TENM2: variants seen among roughly 807,000 people sequenced by gnomAD.
TENM2 encodes the protein teneurin transmembrane protein 2.
TENM2 carries 52 observed loss-of-function variants against 245.2 expected under a neutral mutation model. That is an observed-to-expected ratio of 0.21 (90% CI 0.17 to 0.27). The LOEUF (loss-of-function observed/expected upper bound fraction) is 0.27, where lower values mean the gene tolerates loss of function less well. Among genes scored for constraint, TENM2 ranks in the 10% least tolerant of loss-of-function variants. The probability of loss-of-function intolerance (pLI) is 1.00; values close to 1 mark genes in which losing one functional copy is unlikely to be tolerated. For missense variants in TENM2, 3,046 were observed against 3,666.8 expected, an observed-to-expected ratio of 0.83 and a Z score of 4.37; for synonymous variants, 1,363 against 1,438.9, an observed-to-expected ratio of 0.95 and a Z score of 1.19.
chr5:168,260,903 G>T (rs973172314), intron 28 of TENM2, among the ~76,000 whole-genome samples: 1 of 152,144 alleles, frequency 6.6e-6, no homozygotes, highest in Non-Finnish European at 1.5e-5. Context: ...TGCGATGACC[G>T]AGGGGTGGTC....
At chr5:167,073,637 C>G in the TENM2 span, among the ~76,000 whole-genome samples, 4 of 152,130 alleles carry the variant, frequency 2.6e-5, no homozygotes, top group African/African-American at 9.7e-5. Context: ...CTGTGACTCC[C>G]CGCACCTCAC....
Position 168,246,851 on chromosome 5 carries a change from G to A in TENM2, c.5912G>A (p.Arg1971Gln), listed in dbSNP as rs770334344. 56 of 1,613,770 alleles carry A rather than the reference G, an allele frequency of 3.5e-5. No individual in the cohort carries two copies. The South Asian group carries it at 4.7e-4, about 14-fold the overall frequency. Residue 1971 changes from arginine (R) to glutamine (Q), a missense_variant, in exon 27 of 29, where the codon CGG becomes CAG. By Grantham distance (43) the Arg-to-Gln change is conservative. Coordinates refer to ENST00000518659, the Ensembl canonical transcript of TENM2. ...GCCGTCACCATGCCCAGCGTGGCCC[G>A]GCACAGCATGTCCACACACACCTCC...
chr5:168,127,788 T>A (rs1795960728), intron 12 of TENM2, among the ~76,000 whole-genome samples: 1 of 152,170 alleles, frequency 6.6e-6, no homozygotes, highest in African/African-American at 2.4e-5. Context: ...GTTATTTAAT[T>A]AGATCAAGCC....
chr5:167,426,534 A>G (rs1582009387), intron 2 of TENM2, among the ~76,000 whole-genome samples: 1 of 114,784 alleles, frequency 8.7e-6, no homozygotes, highest in Admixed American at 1.0e-4. Context: ...ACATAGTGAC[A>G]CCTTGCCTTT....
chr5:167,144,958 T>TCTC, the TENM2 span, among the ~76,000 whole-genome samples: 3 of 152,216 alleles, frequency 2.0e-5, no homozygotes, highest in Non-Finnish European at 4.4e-5. Flanking sequence ...GAGAATCCTT[T>TCTC]CCTTGTCCTT....
intron 2 of TENM2, among the ~76,000 whole-genome samples, chr5:167,630,300 C>G (rs1778783758): frequency 6.6e-6 from 1 of 152,108 alleles, no homozygotes; most frequent in African/African-American, 2.4e-5. Flanking sequence ...CTGTGACACC[C>G]TACAGTGGAT....
At chr5:167,010,239 C>G in the TENM2 span, among the ~76,000 whole-genome samples, 2 of 152,030 alleles carry the variant, frequency 1.3e-5, no homozygotes, top group Non-Finnish European at 2.9e-5. Context: ...AAAAATTAGC[C>G]GGGCATGGTG....
At chr5:167,042,083 C>T in the TENM2 span, among the ~76,000 whole-genome samples, 1 of 152,052 alleles carries the variant, frequency 6.6e-6, no homozygotes, top group South Asian at 2.1e-4. Context: ...AAATTTATTA[C>T]CCGTTAATTT....
chr5:168,096,176 A>T (rs1793357582), intron 8 of TENM2, among the ~76,000 whole-genome samples: 1 of 152,222 alleles, frequency 6.6e-6, no homozygotes, highest in Non-Finnish European at 1.5e-5. Context: ...CCTTGAAAAG[A>T]TAGTTCAGAA....
At chr5:168,135,423 T>C (rs1339299690) in intron 12 of TENM2, among the ~76,000 whole-genome samples, 1 of 152,228 alleles carries the variant, frequency 6.6e-6, no homozygotes, top group Non-Finnish European at 1.5e-5. Context: ...CTTGCTGTTA[T>C]TGCCTTTGGA....
intron 9 of TENM2, among the ~76,000 whole-genome samples, chr5:168,110,156 G>A (rs1389464697): frequency 6.6e-6 from 1 of 151,422 alleles, no homozygotes; most frequent in East Asian, 1.9e-4. Flanking sequence ...AGAGCTAGGG[G>A]AATCCTGTGG....
chr5:167,060,816 T>C, the TENM2 span, among the ~76,000 whole-genome samples: 2 of 152,144 alleles, frequency 1.3e-5, no homozygotes, highest in African/African-American at 4.8e-5. Context: ...CCAGTGTGTG[T>C]GTTTTACATT....
At chr5:167,323,011 G>A (rs553881756) in intron 1 of TENM2, among the ~76,000 whole-genome samples, 6 of 152,310 alleles carry the variant, frequency 3.9e-5, no homozygotes, top group African/African-American at 1.4e-4. Context: ...ATGTAAAACT[G>A]TCGCAGGGGC....
At chr5:167,087,951 G>A in the TENM2 span, among the ~76,000 whole-genome samples, 3 of 151,994 alleles carry the variant, frequency 2.0e-5, no homozygotes, top group African/African-American at 7.2e-5. Context: ...TACCATGCCT[G>A]GCTAATTTTT....
intron 24 of TENM2, among the ~76,000 whole-genome samples, chr5:168,226,902 C>T (rs1032735614): frequency 5.9e-5 from 9 of 152,040 alleles, no homozygotes; most frequent in African/African-American, 1.7e-4. Context: ...TGGGCTAGCC[C>T]GTTGTCAGAG....
the TENM2 span, among the ~76,000 whole-genome samples, chr5:167,172,842 G>A: frequency 6.6e-6 from 1 of 151,898 alleles, no homozygotes; most frequent in Admixed American, 6.6e-5. Flanking sequence ...TCTCAAATGA[G>A]CTTTCATTTT....
chr5:167,872,548 G>GAAAGAAAGAAAGAAAGAGAA (rs1313191288), intron 2 of TENM2, among the ~76,000 whole-genome samples: 4 of 65,474 alleles, frequency 6.1e-5, no homozygotes, highest in Non-Finnish European at 1.6e-4. Context: ...AAGAAAGAAA[G>GAAAGAAAGAAAGAAAGAGAA]AGAAAGAAAG....
chr5:167,518,235 C>A (rs1770525826), intron 2 of TENM2, among the ~76,000 whole-genome samples: 1 of 152,054 alleles, frequency 6.6e-6, no homozygotes, highest in Non-Finnish European at 1.5e-5. Context: ...CTGTACTCAG[C>A]AATGACATTC....
intron 7 of TENM2, among the ~76,000 whole-genome samples, chr5:168,073,901 C>G (rs575200578): frequency 2.6e-5 from 4 of 152,298 alleles, no homozygotes; most frequent in African/African-American, 7.2e-5. Context: ...CACCTATATG[C>G]GACATGCCAA....
Sources: allele counts gnomAD v4.1 joint callset (sites outside exome capture counted in the v4.1 genomes callset), GRCh38; gene constraint gnomAD v4.1.1; transcripts MANE v1.5; gene names NCBI Gene and HGNC (gene_info 2026-07-23, HGNC 2026-07-21).